LRP1: variants seen among roughly 807,000 people sequenced by gnomAD.
LRP1 encodes the protein LDL receptor related protein 1, also known as prolow-density lipoprotein receptor-related protein 1.
In LRP1, 51 loss-of-function variants were observed where a neutral mutation model predicts 541.5. The observed-to-expected ratio is 0.09, with a 90% CI of 0.08 to 0.12. The LOEUF is 0.12. Ranked by LOEUF, LRP1 falls within the 10% of genes least tolerant of loss-of-function variation. The probability of loss-of-function intolerance (pLI) is 1.00; values close to 1 mark genes in which losing one functional copy is unlikely to be tolerated. For missense variants in LRP1, 3,878 were observed against 6,376.2 expected, an observed-to-expected ratio of 0.61 and a Z score of 13.34; for synonymous variants, 2,219 against 2,470.8, an observed-to-expected ratio of 0.90 and a Z score of 3.02.
Position 57,184,156 on chromosome 12 carries a change from G to A in LRP1, c.6001G>A (p.Val2001Met), listed in dbSNP as rs759735693. The A allele has an allele frequency of 3.7e-6, 6 of 1,614,100 alleles. No homozygotes were observed. In the South Asian group the frequency reaches 4.4e-5, roughly 12 times the overall value. Residue 2001 changes from valine to methionine, a missense_variant, in exon 37 of 89, where the codon GTG (valine) becomes ATG (methionine). By Grantham distance (21) the Val-to-Met change is conservative. Coordinates refer to ENST00000243077, the MANE Select transcript of LRP1 (RefSeq NM_002332.3). This position sits in a 1 kb window ranked among gnomAD's most constrained non-coding sequence, Gnocchi z 7.8. ...VARLNGSFRY[V>M]VISQGLDKPR... ...CCGGCTCAATGGCTCCTTCCGCTACGTGGTGATCTCCCAGGGTCTAGACAA... is the reference window on the plus strand; with the variant it reads ...CCGGCTCAATGGCTCCTTCCGCTACATGGTGATCTCCCAGGGTCTAGACAA...
In LRP1 at chr12:57,145,346, A is replaced by C. The variant is rs779587545; in HGVS notation, c.697A>C (p.Met233Leu). The stretch of plus-strand genomic sequence containing the variant: ...TACGAGCACGCGGCAGACCACAGCC[A>C]TGGACTTCAGCTATGCCAACGAGAC... ...TPTSTRQTTA[M>L]DFSYANETVC... Residue 233 changes from methionine (M) to leucine (L), a missense_variant, in exon 6 of 89, where the codon ATG becomes CTG. Physicochemically the swap from Met to Leu is conservative, Grantham distance 15. This residue lies in a region of LRP1 where 293 missense variants were observed against 403.7 expected (regional missense o/e 0.73). Coordinates refer to ENST00000243077, the MANE Select transcript of LRP1 (RefSeq NM_002332.3). 6.2e-7 allele frequency: 1 copy of C among 1,614,146 alleles called. No homozygotes were observed. Among genetic ancestry groups the C allele is most frequent in the South Asian group, 1.1e-5 (1 of 91,076 alleles).
Position 57,211,814 on chromosome 12 carries a change from C to T in LRP1, c.13258C>T (p.His4420Tyr), listed in dbSNP as rs374622388. ...EHVFSQQQPGHIASILIPLLL... is the reference protein window; with the variant it reads ...EHVFSQQQPGYIASILIPLLL... The stretch of plus-strand genomic sequence containing the variant: ...CGTCTTCAGCCAGCAGCAGCCAGGA[C>T]GTAGGTGGCAGGGGTTGGGGCAGGC... Residue 4420 changes from histidine (H) to tyrosine (Y), a missense_variant and splice_region_variant, in exon 86 of 89, where the codon CAT becomes TAT. This residue lies in a region of LRP1 where 871 missense variants were observed against 1,212.4 expected (regional missense o/e 0.72). Transcript: ENST00000243077. The surrounding 1 kb of genome is among the most constrained non-coding windows in gnomAD (Gnocchi z 4.3). 1.6e-5 allele frequency: 26 copies of T among 1,612,630 alleles called. No homozygotes were observed. Among genetic ancestry groups the T allele is most frequent in the Admixed American group, 5.0e-5 (3 of 59,978 alleles).
At chr12:57,194,858 AGCT>A in intron 50 of LRP1, 124 bp from the exon 51 acceptor site, 1 of 1,171,328 alleles carries the variant, frequency 8.5e-7, no homozygotes, top group Non-Finnish European at 1.2e-6. Context: ...CTCTGCCTCT[AGCT>A]GCTGCTGAGC....
In LRP1 at chr12:57,200,988, CCT is replaced by C. The variant is rs747975922; in HGVS notation, c.10226-45_10226-44del. 5 of 1,613,286 alleles carry C rather than the reference CCT, an allele frequency of 3.1e-6. No individual in the cohort carries two copies. In the South Asian group the frequency reaches 3.3e-5, roughly 11 times the overall value. The stretch of plus-strand genomic sequence containing the variant: ...GAGGGATGGGCACCCTCTCCCTGCC[CCT>C]GAGTCCTCCCTTCGCCACGAATCAC... On this transcript the variant is annotated intron_variant, in intron 64 of 88. Transcript: ENST00000243077.
Position 57,179,964 on chromosome 12 carries a change from T to G in LRP1, c.5141+8T>G. 6.2e-7 allele frequency: 1 copy of G among 1,613,976 alleles called. No individual in the cohort carries two copies. The highest frequency in any genetic ancestry group is 1.1e-5 in the South Asian group (1 of 91,082). ...CGTCCACCCTCTGCGTGGGTCAGTC[T>G]AGGGCCCAGGGCCGGGGAGCATGGG... On this transcript the variant is annotated splice_region_variant and intron_variant, in intron 30 of 88. Transcript: ENST00000243077. The surrounding 1 kb of genome is among the most constrained non-coding windows in gnomAD (Gnocchi z 6.8).
rs570175676 is a variant in LRP1 at position 57,174,244 on chromosome 12, G to C, written c.3547+264G>C. On this transcript the variant is annotated intron_variant, in intron 22 of 88. Coordinates refer to ENST00000243077, the MANE Select transcript of LRP1 (RefSeq NM_002332.3). ...TGTTTTCTCCGTTTGACAGATGGGA[G>C]CACTGAGGCATGGAGGGGTTCCATA... is the stretch of plus-strand genomic sequence containing the variant. 6.6e-5 allele frequency among the ~76,000 whole-genome samples: 10 copies of C among 152,346 alleles called. No individual in the cohort carries two copies. In the East Asian group the frequency reaches 1.9e-3, roughly 29 times the overall value.
chr12:57,166,106 C>G lies in LRP1; in HGVS notation c.2694C>G (p.Asp898Glu). 6.2e-7 allele frequency: 1 copy of G among 1,614,232 alleles called. No homozygotes were observed. Among genetic ancestry groups the G allele is most frequent in the Non-Finnish European group, 8.5e-7 (1 of 1,180,046 alleles). Residue 898 changes from aspartate to glutamate, a missense_variant, in exon 17 of 89, where the codon GAC becomes GAG. By Grantham distance (45) the Asp-to-Glu change is conservative. Coordinates refer to ENST00000243077, the MANE Select transcript of LRP1 (RefSeq NM_002332.3). Reference protein sequence around the residue: ...ALCHQHTCPSDRFKCENNRCI... With the variant: ...ALCHQHTCPSERFKCENNRCI... ...CAGATCAGCACACCTGCCCCTCGGA[C>G]CGATTCAAGTGCGAGAACAACCGGT...
At position 57,179,444 on chromosome 12, in the gene LRP1, A is replaced by G. The variant is rs2036116252; in HGVS notation, c.4854A>G (p.Thr1618=). 1.2e-6 allele frequency: 2 copies of G among 1,614,128 alleles called. No homozygotes were observed. The highest frequency in any genetic ancestry group is 1.3e-5 in the African/African-American group (1 of 74,946). The part of the protein sequence containing the change: ...SFTVPDIDNV[T]VLDYDAREQR... Reference sequence around the variant, plus strand: ...CGGTGCCCGACATCGACAACGTCACAGTGCTAGACTACGATGCCCGCGAGC... The same window carrying G: ...CGGTGCCCGACATCGACAACGTCACGGTGCTAGACTACGATGCCCGCGAGC... Residue 1618 remains threonine (T), a synonymous_variant, in exon 29 of 89, where the codon ACA becomes ACG. Transcript: ENST00000243077. The surrounding 1 kb of genome is among the most constrained non-coding windows in gnomAD (Gnocchi z 6.8).
At chr12:57,190,757 G>A (rs750268317) in intron 42 of LRP1, 48 bp from the exon 43 acceptor site, 6 of 1,574,110 alleles carry the variant, frequency 3.8e-6, no homozygotes, top group Non-Finnish European at 4.4e-6. Flanking sequence ...GCCCTCTGTT[G>A]TGGATTCTCA....
chr12:57,204,232 C>CA lies in LRP1; in HGVS notation c.10952-178_10952-177insA. 1 of 690,330 alleles carries CA rather than the reference C, an allele frequency of 1.4e-6. No homozygotes were observed. The allele number at this position is 690,330 out of a possible 1,614,324, so 42.8% of individuals were successfully genotyped here. The stretch of plus-strand genomic sequence containing the variant: ...CCCCTGAAAAATGGCCTCTTCTCCC[C>CA]TAAATACCAGAGGGGGCAGTTTGGC... On this transcript the variant is annotated intron_variant, in intron 70 of 88. Transcript: ENST00000243077. The surrounding 1 kb of genome is among the most constrained non-coding windows in gnomAD (Gnocchi z 5.3).
Position 57,204,055 on chromosome 12 carries a change from CCGGT to C in LRP1, c.10952-353_10952-350del. The stretch of plus-strand genomic sequence containing the variant: ...GTAGGCCAGGCACAGGGATGGGAAC[CCGGT>C]CTTCCATTCCCAGCCCAGTGCTGTT... On this transcript the variant is annotated intron_variant, in intron 70 of 88. Coordinates refer to ENST00000243077, the MANE Select transcript of LRP1 (RefSeq NM_002332.3). The surrounding 1 kb of genome is among the most constrained non-coding windows in gnomAD (Gnocchi z 5.3). 1 of 218,216 alleles carries C rather than the reference CCGGT, an allele frequency of 4.6e-6. No individual in the cohort carries two copies. Among genetic ancestry groups the C allele is most frequent in the Non-Finnish European group, 9.0e-6 (1 of 111,170 alleles). The allele number at this position is 218,216 out of a possible 1,614,324, so 13.5% of individuals were successfully genotyped here.
rs372454851 is a variant in LRP1, at chr12:57,180,737, C to A, written c.5457C>A (p.Gly1819=). The A allele has an allele frequency of 6.2e-7, 1 of 1,614,096 alleles. No homozygotes were observed. Among genetic ancestry groups the A allele is most frequent in the African/African-American group, 1.3e-5 (1 of 75,074 alleles). ...CATGCAGCAAGGCTGACGGCTCGGG[C>A]TCCGTGGTCCTTCGGAACAGCACCA... ...MGTCSKADGS[G]SVVLRNSTTL... Residue 1819 remains glycine (G), a synonymous_variant, in exon 33 of 89, where the codon GGC becomes GGA. Coordinates refer to ENST00000243077, the MANE Select transcript of LRP1 (RefSeq NM_002332.3).
intron 1 of LRP1, among the ~76,000 whole-genome samples, chr12:57,133,541 C>T (rs1017459439): frequency 2.0e-5 from 3 of 152,108 alleles, no homozygotes; most frequent in Admixed American, 1.3e-4. Context: ...GAAAACCTCT[C>T]GGTTTGGGTT....
intron 50 of LRP1, 81 bp from the exon 51 acceptor site, chr12:57,194,904 C>T (rs1449420103): frequency 1.6e-6 from 2 of 1,268,498 alleles, no homozygotes; most frequent in African/African-American, 2.9e-5. Context: ...GGCATCTCTC[C>T]TGTCCTTCCC....
intron 17 of LRP1, 185 bp downstream of exon 17, chr12:57,166,394 CA>C (rs1171900190): frequency 5.1e-5 from 38 of 746,564 alleles, no homozygotes; most frequent in Non-Finnish European, 6.8e-5. Context: ...CCACTCTTTA[CA>C]AAAAAAATTT....
chr12:57,149,721 C>T (rs1300623251), intron 6 of LRP1: 1 of 733,122 alleles, frequency 1.4e-6, no homozygotes, highest in Non-Finnish European at 2.5e-6. Flanking sequence ...GGTGACACAA[C>T]ACGGCTAAGC....
Position 57,156,250 on chromosome 12 carries a change from C to T in LRP1, c.1384C>T (p.Leu462Phe). Residue 462 changes from leucine to phenylalanine, a missense_variant, in exon 9 of 89, where the codon CTC becomes TTC. Physicochemically the swap from Leu to Phe is conservative, Grantham distance 22 (BLOSUM62 0). Around this residue, in one of 13 missense-constraint regions of LRP1, gnomAD observed 496 missense variants for 861.0 expected, o/e 0.58. Coordinates refer to ENST00000243077, the MANE Select transcript of LRP1 (RefSeq NM_002332.3). This position sits in a 1 kb window ranked among gnomAD's most constrained non-coding sequence, Gnocchi z 5.2. Reference protein sequence around the residue: ...VVTRVDKGGALHIYHQRRQPR... With the variant: ...VVTRVDKGGAFHIYHQRRQPR... The stretch of plus-strand genomic sequence containing the variant: ...CACCCGGGTGGACAAGGGTGGTGCC[C>T]TCCACATCTACCACCAGAGGCGTCA... The T allele has an allele frequency of 6.2e-7, 1 of 1,614,150 alleles. No individual in the cohort carries two copies. Among genetic ancestry groups the T allele is most frequent in the Non-Finnish European group, 8.5e-7 (1 of 1,180,034 alleles).
intron 44 of LRP1, among the ~76,000 whole-genome samples, chr12:57,192,058 GCACA>G (rs975997216): frequency 1.4e-5 from 1 of 69,530 alleles, no homozygotes; most frequent in Non-Finnish European, 3.1e-5. Flanking sequence ...ACACCACACA[GCACA>G]CACACACACC....
At chr12:57,166,349 G>A (rs186489174) in intron 17 of LRP1, 140 bp downstream of exon 17, 469 of 1,167,724 alleles carry the variant, frequency 4.0e-4, no homozygotes, top group South Asian at 5.3e-4. Flanking sequence ...GAGCCCAGGA[G>A]CTCAAGACCA....
Sources: allele counts gnomAD v4.1 joint callset (sites outside exome capture counted in the v4.1 genomes callset), GRCh38; gene constraint gnomAD v4.1.1; regional missense constraint gnomAD v4.1.1; non-coding constraint Gnocchi (gnomAD v3.1); transcripts MANE v1.5; gene names NCBI Gene and HGNC (gene_info 2026-07-23, HGNC 2026-07-21).